Variants in SLC12A2 observed in about 807,000 individuals in gnomAD.
SLC12A2 encodes the protein Na-K-2Cl cotransporter 1.
A neutral mutation model predicts 136.3 loss-of-function variants in SLC12A2; 67 were observed. The observed-to-expected ratio is 0.49, with a 90% confidence interval of 0.40 to 0.60. The LOEUF (loss-of-function observed/expected upper bound fraction) is 0.60. Among genes scored for constraint, SLC12A2 ranks in the 20% least tolerant of loss-of-function variants. The probability of loss-of-function intolerance (pLI) is 0.00; values close to 1 mark genes in which losing one functional copy is unlikely to be tolerated. For missense variants in SLC12A2, 1,322 were observed against 1,534.7 expected (o/e 0.86, Z 2.32); for synonymous variants, 619 against 562.9 (o/e 1.10, Z -1.41).
chr5:128,169,488 AATAT>A (rs1763303176), intron 18 of SLC12A2: 1 of 152,208 alleles, frequency 6.6e-6, no homozygotes, highest in Admixed American at 6.5e-5. Context: ...ATGGATTAGT[AATAT>A]ATATGATAAA....
chr5:128,138,938 G>T (rs377135927), intron 9 of SLC12A2, 30 bp downstream of exon 9: 1 of 1,473,260 alleles, frequency 6.8e-7, no homozygotes, highest in Non-Finnish European at 9.5e-7. Flanking sequence ...TTTATGTGTC[G>T]CAGAAATTTC....
rs1763687713 is a variant in SLC12A2, at chr5:128,181,009, C to T, written c.3212+15C>T. ...GACCGGAGAGCGTAAGTTTATTTCA[C>T]ATTGAAGGGCATGAATCTATTAGCA... is the stretch of plus-strand genomic sequence containing the variant. On this transcript the variant is annotated intron_variant, in intron 23 of 26. Coordinates refer to ENST00000262461, the MANE Select transcript of SLC12A2 (RefSeq NM_001046.3). The T allele has an allele frequency of 2.2e-6, 3 of 1,380,010 alleles. No individual in the cohort carries two copies. Among genetic ancestry groups the T allele is most frequent in the Non-Finnish European group, 2.1e-6 (2 of 968,220 alleles). The allele number at this position is 1,380,010 out of a possible 1,614,324, so 85.5% of individuals were successfully genotyped here.
At chr5:128,152,558 T>C in intron 14 of SLC12A2, 148 bp from the exon 15 acceptor site, 1 of 619,716 alleles carries the variant, frequency 1.6e-6, no homozygotes, top group Non-Finnish European at 3.0e-6. Flanking sequence ...TATCTTGCTG[T>C]ATATGTGAAC....
chr5:128,110,070 G>A (rs1337204352), intron 1 of SLC12A2: 2 of 969,640 alleles, frequency 2.1e-6, no homozygotes, highest in East Asian at 2.4e-5. Context: ...CACCTTAAAA[G>A]ATAACAAAGT....
chr5:128,176,885 G>T (rs1763557722), intron 20 of SLC12A2, among the ~76,000 whole-genome samples: 1 of 151,938 alleles, frequency 6.6e-6, no homozygotes, highest in African/African-American at 2.4e-5. Flanking sequence ...TTAAATTTAG[G>T]GGTGTTAGTC....
Position 128,168,024 on chromosome 5 carries a change from A to C in SLC12A2, c.2723+157A>C, listed in dbSNP as rs895698969. 23 of 519,584 alleles carry C rather than the reference A, an allele frequency of 4.4e-5. No homozygotes were observed. The Middle Eastern group carries it at 2.0e-3, about 45-fold the overall frequency. The allele number at this position is 519,584 out of a possible 1,614,324, so 32.2% of individuals were successfully genotyped here. ...AAAGCATCTGGGTTTTAAATTGATA[A>C]TCTATTAACAATTTTTTATTGATCT... On this transcript the variant is annotated intron_variant, in intron 18 of 26. Coordinates refer to ENST00000262461, the MANE Select transcript of SLC12A2 (RefSeq NM_001046.3).
intron 15 of SLC12A2, among the ~76,000 whole-genome samples, chr5:128,154,604 T>G (rs564685349): frequency 6.6e-6 from 1 of 152,302 alleles, no homozygotes; most frequent in African/African-American, 2.4e-5. Context: ...AGCATGCTTG[T>G]CTTGCTGCAG....
At position 128,148,789 on chromosome 5, in the gene SLC12A2, G is replaced by A; in HGVS notation, c.1917G>A (p.Gln639=). Residue 639 remains glutamine, a synonymous_variant, in exon 12 of 27, where the codon CAG becomes CAA. Transcript: ENST00000262461. The stretch of plus-strand genomic sequence containing the variant: ...AGGACAACATCTACCCAGCTTTCCA[G>A]ATGTTTGCTAAAGGTTATGGGAAAA... The part of the protein sequence containing the change: ...LCKDNIYPAF[Q]MFAKGYGKNN... 2 of 1,606,688 alleles carry A rather than the reference G, an allele frequency of 1.2e-6. No individual in the cohort carries two copies. The highest frequency in any genetic ancestry group is 1.7e-6 in the Non-Finnish European group (2 of 1,176,562).
At position 128,148,850 on chromosome 5, in the gene SLC12A2, T is replaced by C; in HGVS notation, c.1978T>C (p.Leu660=). ...TCTTCGTGGCTACATCTTAACATTC[T>C]TAATTGCACTTGGATTCATCTTAAT... ...EPLRGYILTF[L]IALGFILIAE... Residue 660 remains leucine, a synonymous_variant, in exon 12 of 27, where the codon TTA becomes CTA. Coordinates refer to ENST00000262461, the MANE Select transcript of SLC12A2 (RefSeq NM_001046.3). The C allele has an allele frequency of 6.2e-7, 1 of 1,601,892 alleles. No homozygotes were observed. The highest frequency in any genetic ancestry group is 8.5e-7 in the Non-Finnish European group (1 of 1,175,416).
chr5:128,153,382 T>C (rs752652475), intron 15 of SLC12A2, among the ~76,000 whole-genome samples: 79 of 152,036 alleles, frequency 5.2e-4, no homozygotes, highest in Non-Finnish European at 7.5e-4. Flanking sequence ...TGGTGAAACC[T>C]TGTCTCTACT....
At chr5:128,101,288 G>A (rs1358686587) in intron 1 of SLC12A2, among the ~76,000 whole-genome samples, 7 of 151,914 alleles carry the variant, frequency 4.6e-5, no homozygotes, top group Non-Finnish European at 7.4e-5. Context: ...GGCCACTTTG[G>A]GGTCAAAATT....
At chr5:128,133,592 A>G (rs993549373) in intron 5 of SLC12A2, among the ~76,000 whole-genome samples, 4 of 152,056 alleles carry the variant, frequency 2.6e-5, no homozygotes, top group African/African-American at 9.7e-5. Context: ...TTATTTGAGA[A>G]GTGGTAGTAA....
In SLC12A2 at chr5:128,148,754, G is replaced by GCT; in HGVS notation, c.1885_1886dup (p.Cys630TyrfsTer29). Reference sequence around the variant, plus strand: ...TCATTTTAATGTTTTCTTTCATTAGGCTCTATGTAAGGACAACATCTACCC... The same window carrying GCT: ...TCATTTTAATGTTTTCTTTCATTAGGCTCTCTATGTAAGGACAACATCTACCC... On this transcript the variant is annotated frameshift_variant and splice_region_variant, in exon 12 of 27. Coordinates refer to ENST00000262461, the MANE Select transcript of SLC12A2 (RefSeq NM_001046.3). LOFTEE classifies it high-confidence loss of function. 1 of 1,580,344 alleles carries GCT rather than the reference G, an allele frequency of 6.3e-7. No individual in the cohort carries two copies. The highest frequency in any genetic ancestry group is 8.6e-7 in the Non-Finnish European group (1 of 1,168,460).
At chr5:128,124,322 C>T (rs1286821376) in intron 4 of SLC12A2, among the ~76,000 whole-genome samples, 4 of 152,164 alleles carry the variant, frequency 2.6e-5, no homozygotes, top group South Asian at 4.1e-4. Context: ...ACACTAATTT[C>T]CCAGAGTTGT....
At chr5:128,104,998 T>A (rs1277056628) in intron 1 of SLC12A2, among the ~76,000 whole-genome samples, 1 of 151,198 alleles carries the variant, frequency 6.6e-6, no homozygotes, top group Non-Finnish European at 1.5e-5. Flanking sequence ...TTACCTTGAC[T>A]CATTATAACA....
chr5:128,177,071 T>C, intron 20 of SLC12A2, 34 bp from the exon 21 acceptor site: 1 of 1,390,408 alleles, frequency 7.2e-7, no homozygotes, highest in Non-Finnish European at 9.9e-7. Flanking sequence ...TAAAGGCAAT[T>C]AACATATTTT....
At chr5:128,108,748 A>C (rs1761036004) in intron 1 of SLC12A2, among the ~76,000 whole-genome samples, 1 of 152,240 alleles carries the variant, frequency 6.6e-6, no homozygotes, top group Non-Finnish European at 1.5e-5. Context: ...AAAAATCATT[A>C]ACTTGTACAC....
At position 128,112,871 on chromosome 5, in the gene SLC12A2, G is replaced by A. The variant is rs772007791; in HGVS notation, c.814G>A (p.Val272Met). Reference protein sequence around the residue: ...GEESTPTRDAVVTYTAESKGV... With the variant: ...GEESTPTRDAMVTYTAESKGV... ...AGAAAGTACTCCAACCAGAGATGCT[G>A]TGGTCACGTATACTGCAGAAAGTAA... Residue 272 changes from valine to methionine, a missense_variant, in exon 2 of 27, where the codon GTG becomes ATG. Around this residue, in one of 8 missense-constraint regions of SLC12A2, gnomAD observed 59 missense variants for 51.5 expected, o/e 1.15. Transcript: ENST00000262461. 7.4e-6 allele frequency: 12 copies of A among 1,612,810 alleles called. No individual in the cohort carries two copies. The highest frequency in any genetic ancestry group is 1.0e-5 in the Non-Finnish European group (12 of 1,178,906).
chr5:128,167,302 C>T (rs1389844532), intron 17 of SLC12A2, among the ~76,000 whole-genome samples: 2 of 152,102 alleles, frequency 1.3e-5, no homozygotes, highest in African/African-American at 4.8e-5. Flanking sequence ...AGCCAGATGT[C>T]AGCAAAAACT....
Sources: gnomAD v4.1 joint callset for allele counts (sites outside exome capture counted in the v4.1 genomes callset) on GRCh38, gnomAD v4.1.1 for gene constraint, gnomAD v4.1.1 regional missense constraint, MANE v1.5 for transcripts, NCBI Gene and HGNC (gene_info 2026-07-23, HGNC 2026-07-21) for gene names.